ACOT1: variants seen among roughly 807,000 people sequenced by gnomAD.
ACOT1 encodes the protein acyl-CoA thioesterase 1.
ACOT1 carries 8 observed loss-of-function variants against 15.7 expected under a neutral mutation model. That is an observed-to-expected ratio of 0.51 (90% CI 0.30 to 0.92). The LOEUF is 0.92. ACOT1 is among the 40% of genes least tolerant of loss of function. The pLI is 0.06. For missense variants in ACOT1, 151 were observed against 539.4 expected (o/e 0.28, Z 7.13); for synonymous variants, 67 against 241.2 (o/e 0.28, Z 6.69).
At chr14:73,519,154 T>G in the ACOT1 span, 2 of 1,612,842 alleles carry the variant, frequency 1.2e-6, no homozygotes, top group African/African-American at 2.7e-5. Context: ...GTGGATGATC[T>G]GGACTTCATC....
the ACOT1 span, among the ~76,000 whole-genome samples, chr14:73,497,400 C>G: frequency 6.6e-6 from 1 of 152,118 alleles, no homozygotes; most frequent in African/African-American, 2.4e-5. Context: ...ATGACAGGCG[C>G]TAAACATGTC....
At chr14:73,520,570 T>C in the ACOT1 span, 2 of 316,122 alleles carry the variant, frequency 6.3e-6, no homozygotes, top group Non-Finnish European at 1.2e-5. Flanking sequence ...AAGAGATGGA[T>C]TGTTCCCAAA....
At chr14:73,524,998 G>A in the ACOT1 span, among the ~76,000 whole-genome samples, 1 of 152,040 alleles carries the variant, frequency 6.6e-6, no homozygotes, top group Non-Finnish European at 1.5e-5. Flanking sequence ...TTTCTGTTAA[G>A]GGCAAGTTCT....
Position 73,542,507 on chromosome 14 carries a change from C to T in ACOT1, c.661-543C>T, listed in dbSNP as rs772190139. Among the ~76,000 whole-genome samples, 21 of 101,790 alleles carry T rather than the reference C, an allele frequency of 2.1e-4. 5 individuals carry two copies. The highest frequency in any genetic ancestry group is 1.0e-3 in the Admixed American group (9 of 8,750). The allele number at this position is 101,790 out of a possible 152,430, so 66.8% of individuals were successfully genotyped here. The stretch of plus-strand genomic sequence containing the variant: ...GCAACCTCCACCTCCCAGGTTCAAG[C>T]GATTCTCCTGCCTCGGCCTCCTGAG... On this transcript the variant is annotated intron_variant, in intron 2 of 2. Transcript: ENST00000311148.
the ACOT1 span, among the ~76,000 whole-genome samples, chr14:73,519,529 T>A: frequency 6.6e-6 from 1 of 151,152 alleles, no homozygotes; most frequent in Non-Finnish European, 1.5e-5. Flanking sequence ...GTGGATCACA[T>A]CATCAGGAGT....
the ACOT1 span, among the ~76,000 whole-genome samples, chr14:73,519,672 T>C: frequency 2.0e-5 from 3 of 152,110 alleles, no homozygotes; most frequent in Non-Finnish European, 2.9e-5. Flanking sequence ...GCAGTGAAGA[T>C]AGCACCACTG....
the ACOT1 span, chr14:73,527,256 T>C: frequency 4.6e-5 from 7 of 151,718 alleles, no homozygotes; most frequent in African/African-American, 7.3e-5. Flanking sequence ...TTGATGACCA[T>C]CCACAAGCAT....
the ACOT1 span, among the ~76,000 whole-genome samples, chr14:73,509,074 C>G: frequency 0.019 from 2,844 of 152,132 alleles, 59 homozygotes; most frequent in African/African-American, 0.04. Context: ...GTTATGTTGC[C>G]CAGGCTGGTT....
the ACOT1 span, chr14:73,491,508 C>G: frequency 6.6e-7 from 1 of 1,511,646 alleles, no homozygotes; most frequent in South Asian, 1.2e-5. Flanking sequence ...TCCGGGGCCC[C>G]TGCGACGGCG....
chr14:73,492,589 C>CTTAGT, the ACOT1 span: 1 of 1,613,862 alleles, frequency 6.2e-7, no homozygotes, highest in African/African-American at 1.3e-5. The surrounding 1 kb of genome is among the most constrained non-coding windows in gnomAD (Gnocchi z 4.9). Context: ...TAAGTGTTTA[C>CTTAGT]GGGCTTCCAA....
the ACOT1 span, among the ~76,000 whole-genome samples, chr14:73,517,050 G>A: frequency 2.0e-5 from 3 of 152,148 alleles, no homozygotes; most frequent in Admixed American, 6.5e-5. Flanking sequence ...GGAGGCTAAG[G>A]TGGGAGGACC....
chr14:73,508,033 A>T, the ACOT1 span: 9 of 1,150,258 alleles, frequency 7.8e-6, no homozygotes, highest in Non-Finnish European at 1.2e-5. Flanking sequence ...GGCATAAGCC[A>T]CTGCCCCGGC....
chr14:73,510,881 C>T, the ACOT1 span, among the ~76,000 whole-genome samples: 2 of 152,182 alleles, frequency 1.3e-5, no homozygotes, highest in African/African-American at 4.8e-5. Flanking sequence ...TTCTAGGGTC[C>T]ACAAAGGGCC....
the ACOT1 span, chr14:73,506,574 G>A: frequency 1.2e-6 from 2 of 1,606,934 alleles, no homozygotes; most frequent in South Asian, 2.2e-5. Context: ...ATCAGGGTCT[G>A]AGGAAATGGA....
the ACOT1 span, chr14:73,496,591 A>T: frequency 7.7e-6 from 12 of 1,568,188 alleles, no homozygotes; most frequent in Admixed American, 2.0e-4. Flanking sequence ...CAGAGCTTGC[A>T]CTTATTTACC....
chr14:73,520,824 C>G, the ACOT1 span: 20 of 1,599,558 alleles, frequency 1.3e-5, no homozygotes, highest in Non-Finnish European at 1.7e-5. Context: ...CCCCGTGTGC[C>G]CCTACCACAG....
the ACOT1 span, chr14:73,492,030 C>T: frequency 7.4e-6 from 12 of 1,613,838 alleles, no homozygotes; most frequent in African/African-American, 6.7e-5. This position sits in a 1 kb window ranked among gnomAD's most constrained non-coding sequence, Gnocchi z 4.9. Context: ...CAGGGCTTTG[C>T]CCCCCACTAC....
the ACOT1 span, among the ~76,000 whole-genome samples, chr14:73,493,913 A>C: frequency 3.9e-5 from 6 of 152,216 alleles, no homozygotes; most frequent in Admixed American, 2.6e-4. Flanking sequence ...AATTTATGCT[A>C]TTTAATTATG....
rs1363690707 is a variant in ACOT1 at position 73,538,388 on chromosome 14, C to A, written c.457+510C>A. On this transcript the variant is annotated intron_variant, in intron 1 of 2. Transcript: ENST00000311148. ...CAGCACTTTGAGAAGCCGAGGCGGG[C>A]GGATCACGACGTCAGGAGATCAAGG... Among the ~76,000 whole-genome samples the A allele has an allele frequency of 7.9e-5, 9 of 113,696 alleles. 3 individuals carry two copies. The highest frequency in any genetic ancestry group is 1.3e-4 in the Non-Finnish European group (7 of 52,324). 74.6% of individuals were successfully genotyped at this position (113,696 alleles called of 152,430 possible). A position where few individuals can be genotyped will look rare whatever the true frequency, so the allele number is the denominator to read the frequency against.
Sources: gnomAD v4.1 joint callset for allele counts (sites outside exome capture counted in the v4.1 genomes callset) on GRCh38, gnomAD v4.1.1 for gene constraint, Gnocchi (gnomAD v3.1) non-coding constraint, MANE v1.5 for transcripts, NCBI Gene and HGNC (gene_info 2026-07-23, HGNC 2026-07-21) for gene names.